The following CNTN1 variants were observed in gnomAD, a reference collection of about 807,000 sequenced individuals.
CNTN1 encodes the protein contactin 1.
In CNTN1, 38 loss-of-function variants were observed where a neutral mutation model predicts 126.4. That is an observed-to-expected ratio of 0.30 (90% CI 0.23 to 0.39). The LOEUF (loss-of-function observed/expected upper bound fraction) is 0.39, where lower values mean the gene tolerates loss of function less well. Among genes scored for constraint, CNTN1 ranks in the 10% least tolerant of loss-of-function variants. The probability of loss-of-function intolerance (pLI) is 1.00; values close to 1 mark genes in which losing one functional copy is unlikely to be tolerated. For synonymous variants in CNTN1, 413 were observed against 422.6 expected, an observed-to-expected ratio of 0.98 and a Z score of 0.28; for missense variants, 1,009 against 1,248.4, an observed-to-expected ratio of 0.81 and a Z score of 2.89.
chr12:40,908,822 C>G (rs780091483), intron 2 of CNTN1, among the ~76,000 whole-genome samples: 59 of 152,060 alleles, frequency 3.9e-4, no homozygotes, highest in Non-Finnish European at 2.9e-4. Context: ...TAATGTGGAA[C>G]TGGAAAGATG....
chr12:41,014,251 G>T lies in CNTN1; in HGVS notation c.2137G>T (p.Val713Leu). 6.2e-7 allele frequency: 1 copy of T among 1,613,952 alleles called. No individual in the cohort carries two copies. The highest frequency in any genetic ancestry group is 8.5e-7 in the Non-Finnish European group (1 of 1,179,894). The change falls in exon 18 of 24, where the codon GTA (valine) becomes TTA (leucine). Residue 713 changes from valine (V) to leucine (L), a missense_variant. Coordinates refer to ENST00000551295, the MANE Select transcript of CNTN1 (RefSeq NM_001843.4). ...AGCACCAAATGTGGCTCCTTCAGAT[G>T]TAGGAGGTGGAGGTGGAAGAAACAG... ...GAAPNVAPSD[V>L]GGGGGRNREL...
At chr12:40,845,752 G>C (rs189611235) in intron 1 of CNTN1, among the ~76,000 whole-genome samples, 6 of 152,252 alleles carry the variant, frequency 3.9e-5, no homozygotes, top group African/African-American at 1.4e-4. Context: ...TGGGGTATGG[G>C]GAGCGTGGTG....
At position 40,937,648 on chromosome 12, in the gene CNTN1, T is replaced by A. The variant is rs569653660; in HGVS notation, c.1189T>A (p.Tyr397Asn). 9 of 1,612,378 alleles carry A rather than the reference T, an allele frequency of 5.6e-6. No homozygotes were observed. In the Admixed American group the frequency reaches 6.7e-5, roughly 12 times the overall value. ...GMYQCIAENT[Y>N]GAIYANAELK... is the part of the protein sequence containing the mutation. ...GTATCAGTGCATAGCTGAAAACACATATGGAGCCATTTATGCAAATGCTGA... is the reference window on the plus strand; with the variant it reads ...GTATCAGTGCATAGCTGAAAACACAAATGGAGCCATTTATGCAAATGCTGA... The change falls in exon 11 of 24, where the codon TAT (tyrosine) becomes AAT (asparagine). Residue 397 changes from tyrosine (Y) to asparagine (N), a missense_variant. Coordinates refer to ENST00000551295, the MANE Select transcript of CNTN1 (RefSeq NM_001843.4).
At chr12:41,012,712 C>T (rs117225381) in intron 17 of CNTN1, among the ~76,000 whole-genome samples, 5,104 of 152,250 alleles carry the variant, frequency 0.034, 145 homozygotes, top group South Asian at 0.11. Flanking sequence ...CTGGCAGCCA[C>T]GCTAATTATT....
In CNTN1 at chr12:41,021,666, A is replaced by G. The variant is rs373653498; in HGVS notation, c.2523+1226A>G. 4.9e-5 allele frequency among the ~76,000 whole-genome samples: 7 copies of G among 143,594 alleles called. No homozygotes were observed. The East Asian group carries it at 1.4e-3, about 30-fold the overall frequency. The allele number at this position is 143,594 out of a possible 152,430, so 94.2% of individuals were successfully genotyped here. On this transcript the variant is annotated intron_variant, in intron 20 of 23. Coordinates refer to ENST00000551295, the MANE Select transcript of CNTN1 (RefSeq NM_001843.4). ...TTTTTTTTTTTTGACACAATAGGTT[A>G]TAATTTGGGAAGATCTTAAAGAGCC...
At chr12:40,748,503 C>T (rs1212846845) in intron 1 of CNTN1, among the ~76,000 whole-genome samples, 1 of 152,098 alleles carries the variant, frequency 6.6e-6, no homozygotes, top group Non-Finnish European at 1.5e-5. Context: ...ATTGATTGTG[C>T]ACACTTATTG....
intron 1 of CNTN1, among the ~76,000 whole-genome samples, chr12:40,693,640 G>A (rs1187732740): frequency 6.6e-6 from 1 of 152,096 alleles, no homozygotes; most frequent in Non-Finnish European, 1.5e-5. Context: ...ATGCCAAACC[G>A]GGCATGGGTA....
At position 40,939,362 on chromosome 12, in the gene CNTN1, CTA is replaced by C. The variant is rs780916485; in HGVS notation, c.1258_1259del (p.Met420GlufsTer8). On this transcript the variant is annotated frameshift_variant, in exon 12 of 24. Coordinates refer to ENST00000551295, the MANE Select transcript of CNTN1 (RefSeq NM_001843.4). LOFTEE classifies it high-confidence loss of function. ...TTGGCTCCAACTTTTGAAATGAATC[CTA>C]TGAAGAAAAAGATCCTGGCTGCTAA... The C allele has an allele frequency of 6.2e-7, 1 of 1,613,654 alleles. No homozygotes were observed.
At chr12:40,759,781 T>A (rs1333229317) in intron 1 of CNTN1, among the ~76,000 whole-genome samples, 1 of 151,424 alleles carries the variant, frequency 6.6e-6, no homozygotes, top group Non-Finnish European at 1.5e-5. Flanking sequence ...GATATTTTTT[T>A]TTTTTTTTTT....
chr12:41,058,209 C>T (rs1429801503), intron 23 of CNTN1, among the ~76,000 whole-genome samples: 1 of 152,064 alleles, frequency 6.6e-6, no homozygotes, highest in Non-Finnish European at 1.5e-5. Flanking sequence ...TTTAGGTTTC[C>T]TAACATTTCT....
chr12:40,768,204 A>G (rs567615784), intron 1 of CNTN1, among the ~76,000 whole-genome samples: 2 of 152,344 alleles, frequency 1.3e-5, no homozygotes, highest in South Asian at 2.1e-4. Flanking sequence ...TGTTACCACA[A>G]TTCTCTGAAG....
chr12:40,697,585 T>TA (rs1249013410), intron 1 of CNTN1, among the ~76,000 whole-genome samples: 1 of 152,236 alleles, frequency 6.6e-6, no homozygotes, highest in East Asian at 1.9e-4. Flanking sequence ...TGTCTCTTTG[T>TA]AGCTTTCAGG....
chr12:40,855,275 C>G (rs553729956), intron 1 of CNTN1, among the ~76,000 whole-genome samples: 2 of 152,122 alleles, frequency 1.3e-5, no homozygotes, highest in South Asian at 4.2e-4. Context: ...TAAACCGTTG[C>G]AAAATGTAAT....
At chr12:41,015,326 T>C (rs1948756765) in intron 18 of CNTN1, among the ~76,000 whole-genome samples, 1 of 152,190 alleles carries the variant, frequency 6.6e-6, no homozygotes. Flanking sequence ...TTATAAATTC[T>C]GTGGATATCT....
At chr12:40,794,826 T>G (rs1253627020) in intron 1 of CNTN1, among the ~76,000 whole-genome samples, 1 of 152,026 alleles carries the variant, frequency 6.6e-6, no homozygotes, top group Non-Finnish European at 1.5e-5. Flanking sequence ...GAAGGAAGAA[T>G]TAGAAGATAA....
chr12:40,725,990 C>T (rs1030400551), intron 1 of CNTN1, among the ~76,000 whole-genome samples: 7 of 151,376 alleles, frequency 4.6e-5, no homozygotes, highest in Admixed American at 1.3e-4. Context: ...TCAAGGAAGT[C>T]TTGAGTCAGC....
intron 1 of CNTN1, among the ~76,000 whole-genome samples, chr12:40,833,471 A>G (rs1941934307): frequency 6.6e-6 from 1 of 152,288 alleles, no homozygotes; most frequent in South Asian, 2.1e-4. Context: ...AACCTACATT[A>G]AAATAAACAT....
At chr12:40,718,880 T>A (rs527989881) in intron 1 of CNTN1, among the ~76,000 whole-genome samples, 1 of 152,282 alleles carries the variant, frequency 6.6e-6, no homozygotes, top group African/African-American at 2.4e-5. Flanking sequence ...GGGCCCTGGC[T>A]ATTCATATGA....
At chr12:40,707,595 C>G (rs1004591077) in intron 1 of CNTN1, among the ~76,000 whole-genome samples, 3 of 152,132 alleles carry the variant, frequency 2.0e-5, no homozygotes, top group Non-Finnish European at 4.4e-5. Context: ...ACAAACATTG[C>G]TAGCCAATCT....
Sources: allele counts gnomAD v4.1 joint callset (sites outside exome capture counted in the v4.1 genomes callset), GRCh38; gene constraint gnomAD v4.1.1; transcripts MANE v1.5; gene names NCBI Gene and HGNC (gene_info 2026-07-23, HGNC 2026-07-21).